The following PCCA variants were observed in gnomAD, a reference collection of about 807,000 sequenced individuals.
PCCA encodes propionyl-CoA carboxylase subunit alpha.
A neutral mutation model predicts 101.3 loss-of-function variants in PCCA; 74 were observed. The observed-to-expected ratio is 0.73, with a 90% CI of 0.61 to 0.89. The LOEUF (loss-of-function observed/expected upper bound fraction) is 0.89. PCCA is among the 40% of genes least tolerant of loss of function. The probability of loss-of-function intolerance (pLI) is 0.00; values close to 1 mark genes in which losing one functional copy is unlikely to be tolerated. For missense variants in PCCA, 891 were observed against 907.0 expected (o/e 0.98, Z 0.23); for synonymous variants, 294 against 313.6 (o/e 0.94, Z 0.66).
At chr13:100,181,727 T>C (rs187771540) in intron 6 of PCCA, among the ~76,000 whole-genome samples, 7 of 151,408 alleles carry the variant, frequency 4.6e-5, no homozygotes, top group Middle Eastern at 3.5e-3. Flanking sequence ...AAAGAACACT[T>C]AGTTACTAAT....
intron 16 of PCCA, among the ~76,000 whole-genome samples, chr13:100,315,139 T>A (rs1037162999): frequency 9.2e-5 from 14 of 152,200 alleles, no homozygotes; most frequent in African/African-American, 3.4e-4. Context: ...CAAATAAATG[T>A]GATAAGATGT....
chr13:100,388,726 T>C (rs997941285), intron 19 of PCCA, among the ~76,000 whole-genome samples: 6 of 152,148 alleles, frequency 3.9e-5, no homozygotes, highest in African/African-American at 1.4e-4. Context: ...ACCTGGGAGG[T>C]AGAAGTTGCA....
chr13:100,436,003 A>G (rs188249838), intron 20 of PCCA, among the ~76,000 whole-genome samples: 312 of 152,108 alleles, frequency 2.1e-3, no homozygotes, highest in South Asian at 3.7e-3. Flanking sequence ...AGATCGAGCC[A>G]TTGCACTCCA....
chr13:100,509,026 A>C (rs2086281271), intron 21 of PCCA, among the ~76,000 whole-genome samples: 1 of 152,192 alleles, frequency 6.6e-6, no homozygotes, highest in Admixed American at 6.5e-5. Context: ...TGTGGCCCCC[A>C]AAAAAGCAGC....
chr13:100,423,338 G>C (rs1392338789), intron 19 of PCCA, among the ~76,000 whole-genome samples: 1 of 152,124 alleles, frequency 6.6e-6, no homozygotes, highest in African/African-American at 2.4e-5. Flanking sequence ...TTAACCCGTG[G>C]TTCAAAGAGA....
At chr13:100,252,515 A>T (rs571868721) in intron 8 of PCCA, among the ~76,000 whole-genome samples, 1 of 152,306 alleles carries the variant, frequency 6.6e-6, no homozygotes, top group East Asian at 1.9e-4. Context: ...ATTCTTTATT[A>T]TACAGCGTAC....
At chr13:100,385,378 G>A (rs1050008777) in intron 19 of PCCA, among the ~76,000 whole-genome samples, 23 of 152,252 alleles carry the variant, frequency 1.5e-4, no homozygotes, top group African/African-American at 5.3e-4. Flanking sequence ...GTTCATTTTA[G>A]TCACAAAATA....
At chr13:100,269,326 G>C (rs192433310) in intron 11 of PCCA, among the ~76,000 whole-genome samples, 1 of 152,104 alleles carries the variant, frequency 6.6e-6, no homozygotes, top group Non-Finnish European at 1.5e-5. Context: ...GAGAAAGTTG[G>C]GTAGACAGCC....
chr13:100,287,657 A>G (rs1255305775), intron 12 of PCCA, among the ~76,000 whole-genome samples: 1 of 152,042 alleles, frequency 6.6e-6, no homozygotes, highest in Non-Finnish European at 1.5e-5. Flanking sequence ...TATTAGTTCT[A>G]TGTGATTGTA....
chr13:100,458,386 A>ACG (rs1318599955), intron 21 of PCCA, among the ~76,000 whole-genome samples: 2 of 132,214 alleles, frequency 1.5e-5, no homozygotes, highest in African/African-American at 6.0e-5. Flanking sequence ...ACACACACAC[A>ACG]CGCACATATA....
intron 20 of PCCA, among the ~76,000 whole-genome samples, chr13:100,427,085 C>T (rs147423434): frequency 1.4e-4 from 22 of 152,180 alleles, no homozygotes; most frequent in African/African-American, 4.1e-4. Context: ...GGTGTGGTGG[C>T]GGGCGCCTGT....
intron 14 of PCCA, among the ~76,000 whole-genome samples, chr13:100,306,048 G>T (rs1160773744): frequency 6.6e-6 from 1 of 152,108 alleles, no homozygotes; most frequent in Non-Finnish European, 1.5e-5. Context: ...TGATGTCACC[G>T]TATAATAAAG....
rs545500302 is a variant in PCCA at position 100,334,648 on chromosome 13, A to G, written c.1540+3977A>G. Among the ~76,000 whole-genome samples the G allele has an allele frequency of 1.4e-3, 216 of 152,334 alleles. 2 individuals carry two copies. The highest frequency in any genetic ancestry group is 4.9e-3 in the African/African-American group (205 of 41,574). On this transcript the variant is annotated intron_variant, in intron 17 of 23. Coordinates refer to ENST00000376285, the MANE Select transcript of PCCA (RefSeq NM_000282.4). The stretch of plus-strand genomic sequence containing the variant: ...TCTAAATAAAACAATTCAGCAGTCA[A>G]TGTGGAAGGTAGGATGGTCACTACT...
chr13:100,260,792 A>G (rs1192296923), intron 9 of PCCA, among the ~76,000 whole-genome samples: 8 of 152,050 alleles, frequency 5.3e-5, no homozygotes, highest in Admixed American at 1.3e-4. Context: ...AAGTGTACCA[A>G]CCTGGATTAC....
chr13:100,507,011 C>G (rs2086134510), intron 21 of PCCA, among the ~76,000 whole-genome samples: 1 of 152,062 alleles, frequency 6.6e-6, no homozygotes, highest in Non-Finnish European at 1.5e-5. Context: ...TTACATAAAA[C>G]AATTCGAGAT....
intron 18 of PCCA, among the ~76,000 whole-genome samples, chr13:100,360,110 G>A (rs1019450060): frequency 6.6e-6 from 1 of 152,078 alleles, no homozygotes; most frequent in Non-Finnish European, 1.5e-5. Context: ...TGGACGAGGA[G>A]GGGCAAGTCA....
intron 16 of PCCA, among the ~76,000 whole-genome samples, chr13:100,320,076 C>A (rs2067851764): frequency 1.3e-5 from 2 of 152,224 alleles, no homozygotes; most frequent in Admixed American, 6.5e-5. Flanking sequence ...GTATTTTATT[C>A]TCTTTGAAGC....
intron 12 of PCCA, among the ~76,000 whole-genome samples, chr13:100,287,297 CA>C (rs2064752227): frequency 6.6e-6 from 1 of 151,796 alleles, no homozygotes; most frequent in African/African-American, 2.4e-5. Context: ...TTTTATTTTT[CA>C]TATGAAAAAT....
chr13:100,186,701 A>G (rs2057295362), intron 6 of PCCA, among the ~76,000 whole-genome samples: 2 of 148,014 alleles, frequency 1.4e-5, no homozygotes, highest in South Asian at 4.4e-4. Context: ...AGATCGCATC[A>G]CTGCACTCCA....
Sources: allele counts gnomAD v4.1 joint callset (sites outside exome capture counted in the v4.1 genomes callset), GRCh38; gene constraint gnomAD v4.1.1; transcripts MANE v1.5; gene names NCBI Gene and HGNC (gene_info 2026-07-23, HGNC 2026-07-21).